THSD1: variants seen among roughly 807,000 people sequenced by gnomAD.
THSD1 encodes thrombospondin type 1 domain containing 1, also known as thrombospondin type-1 domain-containing protein 1.
In THSD1, 34 loss-of-function variants were observed where a neutral mutation model predicts 46.3. That is an observed-to-expected ratio of 0.74 (90% CI 0.56 to 0.98). The LOEUF (loss-of-function observed/expected upper bound fraction) is 0.98. THSD1 is among the 50% of genes least tolerant of loss of function. The probability of loss-of-function intolerance (pLI) is 0.00; values close to 1 mark genes in which losing one functional copy is unlikely to be tolerated. For missense variants in THSD1, 1,023 were observed against 1,058.3 expected (o/e 0.97, Z 0.46); for synonymous variants, 407 against 416.5 (o/e 0.98, Z 0.28).
At chr13:52,401,913 T>C (rs557073541) in intron 2 of THSD1, among the ~76,000 whole-genome samples, 1 of 152,372 alleles carries the variant, frequency 6.6e-6, no homozygotes, top group South Asian at 2.1e-4. Flanking sequence ...GTTGACTCTA[T>C]TGTTCAGTAG....
intron 4 of THSD1, among the ~76,000 whole-genome samples, chr13:52,382,338 C>T (rs902699758): frequency 1.3e-5 from 2 of 152,204 alleles, no homozygotes; most frequent in African/African-American, 4.8e-5. Flanking sequence ...ATCCTCCTCT[C>T]CCTCCATCAC....
chr13:52,388,528 G>C (rs1454227859), intron 3 of THSD1, among the ~76,000 whole-genome samples: 1 of 152,210 alleles, frequency 6.6e-6, no homozygotes, highest in Non-Finnish European at 1.5e-5. Flanking sequence ...GCCCAGGATG[G>C]AGTGCAATGG....
At chr13:52,387,380 A>G (rs568566810) in intron 3 of THSD1, among the ~76,000 whole-genome samples, 53 of 152,286 alleles carry the variant, frequency 3.5e-4, no homozygotes, top group African/African-American at 1.3e-3. Flanking sequence ...AGGCATAAAT[A>G]CCTCCATGTC....
chr13:52,381,603 T>G (rs1047882692), intron 4 of THSD1, among the ~76,000 whole-genome samples: 5 of 152,164 alleles, frequency 3.3e-5, no homozygotes, highest in African/African-American at 1.2e-4. Context: ...TATTTACCTT[T>G]TTTCCACATA....
chr13:52,378,800 A>C lies in THSD1; in HGVS notation c.1181-11T>G. On this transcript the variant is annotated splice_polypyrimidine_tract_variant and intron_variant, in intron 4 of 4. Transcript: ENST00000258613. Reference sequence around the variant, plus strand: ...TGGATGGCTGGAAAGCTGCAAAAAAAAACAAAACAAAACAAACAAACAAAA... The same window carrying C: ...TGGATGGCTGGAAAGCTGCAAAAAACAACAAAACAAAACAAACAAACAAAA... 1 of 1,550,442 alleles carries C rather than the reference A, an allele frequency of 6.4e-7. No homozygotes were observed. The highest frequency in any genetic ancestry group is 8.7e-7 in the Non-Finnish European group (1 of 1,155,784).
In THSD1 at chr13:52,396,574, T is replaced by G. The variant is rs999250810; in HGVS notation, c.1021+658A>C. On this transcript the variant is annotated intron_variant, in intron 3 of 4. Coordinates refer to ENST00000258613, the MANE Select transcript of THSD1 (RefSeq NM_018676.4). The stretch of plus-strand genomic sequence containing the variant: ...GATAAAAAACGAACGAGACCATTTC[T>G]GCCAAATTAAACTACTTAATAAGAC... 7.2e-5 allele frequency among the ~76,000 whole-genome samples: 11 copies of G among 152,114 alleles called. No homozygotes were observed. The East Asian group carries it at 1.9e-3, about 27-fold the overall frequency.
At position 52,378,233 on chromosome 13, in the gene THSD1, T is replaced by A. The variant is rs147193586; in HGVS notation, c.1737A>T (p.Glu579Asp). Residue 579 changes from glutamate (E) to aspartate (D), a missense_variant, in exon 5 of 5, where the codon GAA becomes GAT. By Grantham distance (45) the Glu-to-Asp change is conservative. Coordinates refer to ENST00000258613, the MANE Select transcript of THSD1 (RefSeq NM_018676.4). Reference sequence around the variant, plus strand: ...TGATCCGGAACTTGTTTGCTGCAGCTTCTTCCGGGCTTTCCAAATCTAAGG... The same window carrying A: ...TGATCCGGAACTTGTTTGCTGCAGCATCTTCCGGGCTTTCCAAATCTAAGG... The part of the protein sequence containing the change: ...SAPLDLESPE[E>D]AAANKFRIKS... 657 of 1,614,102 alleles carry A rather than the reference T, an allele frequency of 4.1e-4. 1 individual carries two copies. Among genetic ancestry groups the A allele is most frequent in the Non-Finnish European group, 5.2e-4 (613 of 1,180,042 alleles).
chr13:52,400,198 C>A (rs1388952377), intron 2 of THSD1: 2 of 154,402 alleles, frequency 1.3e-5, no homozygotes, highest in Non-Finnish European at 2.9e-5. Flanking sequence ...GACACACATG[C>A]CCCGTTGGAA....
chr13:52,396,524 TCAAAA>T (rs1205559125), intron 3 of THSD1, among the ~76,000 whole-genome samples: 10 of 152,012 alleles, frequency 6.6e-5, no homozygotes, highest in Non-Finnish European at 8.8e-5. Flanking sequence ...AGACTCTGTC[TCAAAA>T]CAAAACAAAA....
chr13:52,390,220 C>T (rs1241691114), intron 3 of THSD1, among the ~76,000 whole-genome samples: 1 of 151,944 alleles, frequency 6.6e-6, no homozygotes, highest in Non-Finnish European at 1.5e-5. Flanking sequence ...ATCTTGCCAA[C>T]ACTGGCCACC....
chr13:52,390,705 C>T (rs1957766874), intron 3 of THSD1, among the ~76,000 whole-genome samples: 1 of 152,140 alleles, frequency 6.6e-6, no homozygotes, highest in Middle Eastern at 3.2e-3. Flanking sequence ...GGAAATCCGA[C>T]TACTGTAAAA....
In THSD1 at chr13:52,397,457, T is replaced by C. The variant is rs1388668627; in HGVS notation, c.796A>G (p.Thr266Ala). The change falls in exon 3 of 5, where the codon ACC (threonine) becomes GCC (alanine). Residue 266 changes from threonine (T) to alanine (A), a missense_variant. By Grantham distance (58) the Thr-to-Ala change is moderately conservative. This residue lies in a region of THSD1 where 429 missense variants were observed against 518.3 expected (regional missense o/e 0.83). Transcript: ENST00000258613. ...VEVTVLPPPC[T>A]FVQGVVTVFK... ...ACAGTGACCACTCCTTGGACGAAGGTGCATGGTGGAGGCAGCACTGTCACC... is the reference window on the plus strand; with the variant it reads ...ACAGTGACCACTCCTTGGACGAAGGCGCATGGTGGAGGCAGCACTGTCACC... 2 of 1,614,064 alleles carry C rather than the reference T, an allele frequency of 1.2e-6. No homozygotes were observed. Among genetic ancestry groups the C allele is most frequent in the Non-Finnish European group, 1.7e-6 (2 of 1,180,014 alleles).
Position 52,378,709 on chromosome 13 carries a change from A to G in THSD1, c.1261T>C (p.Ser421Pro). 2 of 1,613,952 alleles carry G rather than the reference A, an allele frequency of 1.2e-6. No individual in the cohort carries two copies. Among genetic ancestry groups the G allele is most frequent in the East Asian group, 2.2e-5 (1 of 44,870 alleles). Reference sequence around the variant, plus strand: ...GCAATGATGATGAACAAGCACAAGGATATACCAGTGACAGTCACGATGTTG... The same window carrying G: ...GCAATGATGATGAACAAGCACAAGGGTATACCAGTGACAGTCACGATGTTG... Reference protein sequence around the residue: ...SNNIVTVTGISLCLFIIIATV... With the variant: ...SNNIVTVTGIPLCLFIIIATV... The change falls in exon 5 of 5, where the codon TCC (serine) becomes CCC (proline). Residue 421 changes from serine (S) to proline (P), a missense_variant. Transcript: ENST00000258613.
chr13:52,379,327 A>G (rs180722606), intron 4 of THSD1, among the ~76,000 whole-genome samples: 1 of 152,316 alleles, frequency 6.6e-6, no homozygotes, highest in African/African-American at 2.4e-5. Context: ...CAAGATCACC[A>G]AAGGGGAAAC....
At chr13:52,396,463 A>G (rs1957812420) in intron 3 of THSD1, among the ~76,000 whole-genome samples, 1 of 152,178 alleles carries the variant, frequency 6.6e-6, no homozygotes, top group Non-Finnish European at 1.5e-5. Flanking sequence ...CAGAGCTTGC[A>G]GTGAGCCGAG....
chr13:52,397,369 G>A lies in THSD1; in HGVS notation c.884C>T (p.Pro295Leu). The A allele has an allele frequency of 1.2e-6, 2 of 1,614,086 alleles. No individual in the cohort carries two copies. Among genetic ancestry groups the A allele is most frequent in the Non-Finnish European group, 8.5e-7 (1 of 1,180,012 alleles). ...AAAAATTGTCCTCCTCTCTCCCAGG[G>A]GCAGGCTGTTTTCAGCCAAGTGAAT... ...RTIHLAENSLPLGERRTIFNC... is the reference protein window; with the variant it reads ...RTIHLAENSLLLGERRTIFNC... The change falls in exon 3 of 5, where the codon CCC becomes CTC. Residue 295 changes from proline to leucine, a missense_variant. Pro to Leu is a moderately conservative substitution (Grantham distance 98). Coordinates refer to ENST00000258613, the MANE Select transcript of THSD1 (RefSeq NM_018676.4).
chr13:52,383,812 C>T (rs1164721073), intron 4 of THSD1, among the ~76,000 whole-genome samples: 1 of 152,230 alleles, frequency 6.6e-6, no homozygotes, highest in Non-Finnish European at 1.5e-5. Context: ...TAAGCAATAT[C>T]TGAGGACCAT....
intron 1 of THSD1, 163 bp from the exon 2 acceptor site, chr13:52,402,844 C>T (rs963811773): frequency 1.0e-6 from 1 of 979,886 alleles, no homozygotes; most frequent in African/African-American, 1.8e-5. Flanking sequence ...TATAATTATA[C>T]AAGCCTTTTT....
chr13:52,397,554 G>A lies in THSD1; in HGVS notation c.699C>T (p.Pro233=). The A allele has an allele frequency of 1.2e-6, 2 of 1,614,170 alleles. No individual in the cohort carries two copies. The highest frequency in any genetic ancestry group is 1.7e-6 in the Non-Finnish European group (2 of 1,180,024). Residue 233 remains proline, a synonymous_variant, in exon 3 of 5, where the codon CCC becomes CCT. Coordinates refer to ENST00000258613, the MANE Select transcript of THSD1 (RefSeq NM_018676.4). ...GRDSVITSTG[P]IDLAQKFGYK... is the part of the protein sequence containing the mutation. ...ATCCAAATTTCTGGGCCAGGTCAAT[G>A]GGTCCTGTGGAGGTAATGACTGAGT...
Sources: allele counts gnomAD v4.1 joint callset (sites outside exome capture counted in the v4.1 genomes callset), GRCh38; gene constraint gnomAD v4.1.1; regional missense constraint gnomAD v4.1.1; transcripts MANE v1.5; gene names NCBI Gene and HGNC (gene_info 2026-07-23, HGNC 2026-07-21).